LILRB1: variants seen among roughly 807,000 people sequenced by gnomAD.
The protein encoded by LILRB1 is leukocyte immunoglobulin-like receptor subfamily B member 1.
In LILRB1, 59 loss-of-function variants were observed where a neutral mutation model predicts 74.6. The observed-to-expected ratio is 0.79, with a 90% CI of 0.64 to 0.98. The LOEUF (loss-of-function observed/expected upper bound fraction) is 0.98. LILRB1 is among the 50% of genes least tolerant of loss of function. LILRB1 has a pLI of 0.00. For synonymous variants in LILRB1, 328 were observed against 333.9 expected (o/e 0.98, Z 0.19); for missense variants, 804 against 822.6 (o/e 0.98, Z 0.28).
intron 1 of LILRB1, among the ~76,000 whole-genome samples, chr19:54,620,922 G>T (rs887340142): frequency 4.6e-5 from 7 of 152,050 alleles, no homozygotes; most frequent in Admixed American, 4.6e-4. Flanking sequence ...GCCCAGGCTG[G>T]AGTGCAATGG....
intron 8 of LILRB1, 79 bp from the exon 9 acceptor site, chr19:54,633,892 G>A (rs1384488044): frequency 6.5e-7 from 1 of 1,531,262 alleles, no homozygotes; most frequent in African/African-American, 1.4e-5. Flanking sequence ...AAATGTTGGG[G>A]CCCAGCCTGG....
Position 54,633,694 on chromosome 19 carries a change from TC to T in LILRB1, c.1312+9del. The T allele has an allele frequency of 6.2e-7, 1 of 1,613,218 alleles. No individual in the cohort carries two copies. The highest frequency in any genetic ancestry group is 1.3e-5 in the African/African-American group (1 of 74,930). ...AGGCCCCACCTCCACATCTGGTGAG[TC>T]CCTGAGGCTTCTGAACTCAAGGGAG... On this transcript the variant is annotated splice_region_variant and intron_variant, in intron 8 of 14. Coordinates refer to ENST00000324602, the MANE Select transcript of LILRB1 (RefSeq NM_001081637.3).
chr19:54,624,776 C>T (rs2063536723), intron 1 of LILRB1, among the ~76,000 whole-genome samples: 1 of 152,088 alleles, frequency 6.6e-6, no homozygotes. Context: ...GGGCTGGTCC[C>T]CAGGGCACAG....
chr19:54,629,011 G>A (rs1017035818), upstream of LILRB1, among the ~76,000 whole-genome samples: 2 of 152,212 alleles, frequency 1.3e-5, no homozygotes, highest in African/African-American at 4.8e-5. Context: ...ACACACTGTG[G>A]CTTGCCATGC....
At chr19:54,620,213 T>C (rs1600309142) in intron 1 of LILRB1, among the ~76,000 whole-genome samples, 1 of 152,232 alleles carries the variant, frequency 6.6e-6, no homozygotes. Context: ...ATAGTTGATA[T>C]AGAGGAAGGG....
intron 1 of LILRB1, among the ~76,000 whole-genome samples, chr19:54,624,599 C>G (rs1270201569): frequency 6.6e-6 from 1 of 152,062 alleles, no homozygotes; most frequent in African/African-American, 2.4e-5. Context: ...GGCCCGACCT[C>G]AGGCCCTGGG....
chr19:54,632,109 C>G lies in LILRB1; in HGVS notation c.533C>G (p.Ser178Cys). ...TCCCAGCCCCATGCCCGTGGGTCGTCCCGCGCCATCTTCTCCGTGGGCCCC... is the reference window on the plus strand; with the variant it reads ...TCCCAGCCCCATGCCCGTGGGTCGTGCCGCGCCATCTTCTCCGTGGGCCCC... ...LNSQPHARGS[S>C]RAIFSVGPVS... Residue 178 changes from serine to cysteine, a missense_variant, in exon 5 of 15, where the codon TCC becomes TGC. Coordinates refer to ENST00000324602, the MANE Select transcript of LILRB1 (RefSeq NM_001081637.3). 6.2e-7 allele frequency: 1 copy of G among 1,614,262 alleles called. No homozygotes were observed. Among genetic ancestry groups the G allele is most frequent in the South Asian group, 1.1e-5 (1 of 91,088 alleles).
intron 3 of LILRB1, 56 bp downstream of exon 3, chr19:54,631,362 A>C: frequency 6.2e-7 from 1 of 1,612,834 alleles, no homozygotes; most frequent in East Asian, 2.2e-5. Context: ...ACAAGGGGCC[A>C]CCCCCGTGCC....
In LILRB1 at chr19:54,631,768, C is replaced by T; in HGVS notation, c.339C>T (p.Pro113=). 1.9e-6 allele frequency: 3 copies of T among 1,614,216 alleles called. No homozygotes were observed. The highest frequency in any genetic ancestry group is 2.5e-6 in the Non-Finnish European group (3 of 1,180,008). Residue 113 remains proline, a synonymous_variant, in exon 4 of 15, where the codon CCC becomes CCT. Coordinates refer to ENST00000324602, the MANE Select transcript of LILRB1 (RefSeq NM_001081637.3). ...DTAGRSESSD[P]LELVVTGAYI... is the part of the protein sequence containing the mutation. ...CAGGCCGCTCAGAGAGCAGTGACCC[C>T]CTGGAGCTGGTGGTGACAGGTGAGC...
intron 1 of LILRB1, among the ~76,000 whole-genome samples, chr19:54,621,900 C>T (rs1600314941): frequency 6.6e-6 from 1 of 152,188 alleles, no homozygotes; most frequent in Non-Finnish European, 1.5e-5. Context: ...TATTCTTTTG[C>T]ATATGGCTAC....
Position 54,637,625 on chromosome 19 carries a change from A to T in LILRB1, c.*747A>T, listed in dbSNP as rs2146313869. ...AGGCGTAAGAAAGGGAATAATAACA[A>T]TAATAAGAGGAGTTGTTCATGAGGA... is the stretch of plus-strand genomic sequence containing the variant. On this transcript the variant is annotated 3_prime_UTR_variant, in exon 15 of 15. Transcript: ENST00000324602. 1 of 152,300 alleles carries T rather than the reference A, an allele frequency of 6.6e-6. No homozygotes were observed. Among genetic ancestry groups the T allele is most frequent in the South Asian group, 2.1e-4 (1 of 4,824 alleles). The allele number at this position is 152,300 out of a possible 1,614,324, so 9.4% of individuals were successfully genotyped here.
chr19:54,632,774 C>G lies in LILRB1; in HGVS notation c.958+14C>G, dbSNP rs370028780. 1 of 1,611,540 alleles carries G rather than the reference C, an allele frequency of 6.2e-7. No homozygotes were observed. On this transcript the variant is annotated intron_variant, in intron 6 of 14. Transcript: ENST00000324602. ...TCCTGATCGCAGGTGAGGAGCCCAGCGGGTTCAGTCAGGGACCCAGGCTCC... is the reference window on the plus strand; with the variant it reads ...TCCTGATCGCAGGTGAGGAGCCCAGGGGGTTCAGTCAGGGACCCAGGCTCC...
upstream of LILRB1, among the ~76,000 whole-genome samples, chr19:54,626,099 A>G (rs1157513321): frequency 5.3e-5 from 8 of 152,118 alleles, no homozygotes; most frequent in Non-Finnish European, 1.0e-4. Flanking sequence ...GTATTTACTC[A>G]CTATTTTGGG....
At chr19:54,622,313 A>G (rs1750628202) in intron 1 of LILRB1, among the ~76,000 whole-genome samples, 1 of 152,156 alleles carries the variant, frequency 6.6e-6, no homozygotes. Context: ...GATTCTTCCC[A>G]TTTGTGAGCA....
At position 54,637,485 on chromosome 19, in the gene LILRB1, A is replaced by T. The variant is rs1279587995; in HGVS notation, c.*607A>T. On this transcript the variant is annotated 3_prime_UTR_variant, in exon 15 of 15. Coordinates refer to ENST00000324602, the MANE Select transcript of LILRB1 (RefSeq NM_001081637.3). Reference sequence around the variant, plus strand: ...GGTTTCAGTGAGCCAAGATCGCACCACTGCTCTCCAGCCTGGCGACAGAGG... The same window carrying T: ...GGTTTCAGTGAGCCAAGATCGCACCTCTGCTCTCCAGCCTGGCGACAGAGG... The T allele has an allele frequency of 2.0e-5, 3 of 150,556 alleles. No homozygotes were observed. Among genetic ancestry groups the T allele is most frequent in the Non-Finnish European group, 4.4e-5 (3 of 67,796 alleles). The allele number at this position is 150,556 out of a possible 1,614,324, so 9.3% of individuals were successfully genotyped here.
chr19:54,632,550 G>A lies in LILRB1; in HGVS notation c.748G>A (p.Ala250Thr). Reference sequence around the variant, plus strand: ...CCTGACTCTGCAGTGTGGCTCTGATGCTGGCTACAACAGATTTGTTCTGTA... The same window carrying A: ...CCTGACTCTGCAGTGTGGCTCTGATACTGGCTACAACAGATTTGTTCTGTA... ...ETLTLQCGSD[A>T]GYNRFVLYKD... Residue 250 changes from alanine (A) to threonine (T), a missense_variant, in exon 6 of 15, where the codon GCT (alanine) becomes ACT (threonine). Transcript: ENST00000324602. 1.2e-6 allele frequency: 2 copies of A among 1,614,110 alleles called. No homozygotes were observed. Among genetic ancestry groups the A allele is most frequent in the Non-Finnish European group, 1.7e-6 (2 of 1,180,000 alleles).
At chr19:54,624,023 A>G (rs2063517783) in intron 1 of LILRB1, among the ~76,000 whole-genome samples, 3 of 152,066 alleles carry the variant, frequency 2.0e-5, no homozygotes, top group Admixed American at 2.0e-4. Context: ...AAGCAGGTGG[A>G]TATGGACCTG....
At chr19:54,626,290 G>A (rs1341544693), upstream of LILRB1, among the ~76,000 whole-genome samples, 1 of 151,964 alleles carries the variant, frequency 6.6e-6, no homozygotes, top group Non-Finnish European at 1.5e-5. Context: ...TCTATTCTAG[G>A]TATCTTTTAC....
intron 1 of LILRB1, among the ~76,000 whole-genome samples, chr19:54,620,245 A>C (rs2063419974): frequency 6.6e-6 from 1 of 152,148 alleles, no homozygotes; most frequent in Non-Finnish European, 1.5e-5. Context: ...AACTATTAAA[A>C]CCAGAGGGTA....
Sources: gnomAD v4.1 joint callset for allele counts (sites outside exome capture counted in the v4.1 genomes callset) on GRCh38, gnomAD v4.1.1 for gene constraint, MANE v1.5 for transcripts, NCBI Gene and HGNC (gene_info 2026-07-23, HGNC 2026-07-21) for gene names.